Variants in CHN1 observed in about 807,000 individuals in gnomAD.
CHN1 encodes N-chimaerin.
CHN1 carries 37 observed loss-of-function variants against 59.5 expected under a neutral mutation model. That is an observed-to-expected ratio of 0.62 (90% CI 0.48 to 0.82). CHN1 has a LOEUF of 0.82. Ranked by LOEUF, CHN1 falls within the 40% of genes least tolerant of loss-of-function variation. CHN1 has a pLI of 0.00. For synonymous variants in CHN1, 206 were observed against 200.4 expected (o/e 1.03, Z -0.24); for missense variants, 469 against 571.0 (o/e 0.82, Z 1.82).
intron 1 of CHN1, among the ~76,000 whole-genome samples, chr2:174,962,141 C>A (rs1055609734): frequency 6.6e-6 from 1 of 151,910 alleles, no homozygotes; most frequent in Non-Finnish European, 1.5e-5. Flanking sequence ...GAAAATTAGC[C>A]GGGCGGGGTG....
chr2:174,896,169 C>A (rs575516887), intron 5 of CHN1, among the ~76,000 whole-genome samples: 133 of 151,982 alleles, frequency 8.8e-4, no homozygotes, highest in African/African-American at 2.7e-3. Flanking sequence ...TCATTATAAG[C>A]CCCAGTATAG....
At chr2:174,957,659 T>G (rs1690256952) in intron 1 of CHN1, among the ~76,000 whole-genome samples, 2 of 152,150 alleles carry the variant, frequency 1.3e-5, no homozygotes, top group African/African-American at 4.8e-5. Context: ...ATTCTATGTG[T>G]GTCTCCACTT....
At chr2:174,986,529 T>C (rs1396264242) in intron 1 of CHN1, among the ~76,000 whole-genome samples, 5 of 152,182 alleles carry the variant, frequency 3.3e-5, no homozygotes, top group African/African-American at 1.2e-4. Flanking sequence ...CTTTAGACTT[T>C]AGAAATACAG....
rs539001023 is a variant in CHN1 at position 174,962,663 on chromosome 2, CGGG to C, written c.20-10464_20-10462del. Among the ~76,000 whole-genome samples the C allele has an allele frequency of 6.5e-3, 117 of 17,996 alleles. 6 individuals are homozygous for C. Among genetic ancestry groups the C allele is most frequent in the Middle Eastern group, 0.05 (1 of 20 alleles). 11.8% of individuals were successfully genotyped at this position (17,996 alleles called of 152,430 possible). ...TGCAATCCCAGCACTTTGGAAGGCCCGGGGGGGGGGGGGGGGGGGGCAGATCAC... is the reference window on the plus strand; with the variant it reads ...TGCAATCCCAGCACTTTGGAAGGCCCGGGGGGGGGGGGGGGGGCAGATCAC... On this transcript the variant is annotated intron_variant, in intron 1 of 12. Coordinates refer to ENST00000409900, the MANE Select transcript of CHN1 (RefSeq NM_001822.7).
At chr2:174,928,214 T>C (rs566040727) in intron 3 of CHN1, among the ~76,000 whole-genome samples, 1 of 152,212 alleles carries the variant, frequency 6.6e-6, no homozygotes, top group Admixed American at 6.5e-5. Flanking sequence ...CAGAAGCCAC[T>C]GCCACTGCCT....
intron 5 of CHN1, among the ~76,000 whole-genome samples, chr2:174,904,574 G>C (rs1688487236): frequency 6.6e-6 from 1 of 152,052 alleles, no homozygotes; most frequent in Non-Finnish European, 1.5e-5. Flanking sequence ...TTTTAGTAGA[G>C]ACGGGGTTTC....
At chr2:174,947,780 A>G (rs1193634) in intron 2 of CHN1, among the ~76,000 whole-genome samples, 72,236 of 151,816 alleles carry the variant, frequency 0.48, 17,971 homozygotes, top group African/African-American at 0.61. Context: ...CACTGTGCCT[A>G]GTCAAGTCTT....
chr2:174,993,753 T>G (rs941760650), intron 1 of CHN1, among the ~76,000 whole-genome samples: 1 of 152,202 alleles, frequency 6.6e-6, no homozygotes, highest in Non-Finnish European at 1.5e-5. Context: ...CCCATGATTA[T>G]TGTTTCAATC....
intron 6 of CHN1, among the ~76,000 whole-genome samples, chr2:174,854,975 C>T (rs751308745): frequency 3.3e-5 from 5 of 152,120 alleles, no homozygotes; most frequent in Non-Finnish European, 5.9e-5. Context: ...ATTAAAAGAA[C>T]ATCCATGCTC....
chr2:174,841,532 C>T (rs16862866), intron 7 of CHN1, among the ~76,000 whole-genome samples: 8,161 of 152,196 alleles, frequency 0.054, 736 homozygotes, highest in African/African-American at 0.19. Context: ...CAGACAGAAC[C>T]TATGCTACAT....
intron 6 of CHN1, among the ~76,000 whole-genome samples, chr2:174,852,402 T>A (rs564624856): frequency 6.6e-6 from 1 of 152,260 alleles, no homozygotes; most frequent in African/African-American, 2.4e-5. Context: ...CAAGGAGAAC[T>A]ACAAAACATT....
intron 3 of CHN1, 91 bp downstream of exon 3, chr2:174,944,797 T>A (rs1180227347): frequency 2.5e-6 from 2 of 798,380 alleles, no homozygotes; most frequent in Non-Finnish European, 4.1e-6. Flanking sequence ...AAGTGGTTAA[T>A]CTCACAAACA....
rs568638883 is a variant in CHN1 at position 174,981,015 on chromosome 2, C to T, written c.19+23879G>A. ...AATTAACCTTAGATGTAAAATTTCA[C>T]CAAATTTTGCACTGTGGATATAGTA... On this transcript the variant is annotated intron_variant, in intron 1 of 12. Coordinates refer to ENST00000409900, the MANE Select transcript of CHN1 (RefSeq NM_001822.7). Among the ~76,000 whole-genome samples the T allele has an allele frequency of 2.6e-5, 4 of 152,122 alleles. No homozygotes were observed. The South Asian group carries it at 8.3e-4, about 32-fold the overall frequency.
intron 7 of CHN1, among the ~76,000 whole-genome samples, chr2:174,831,906 ATAAG>A (rs1685894018): frequency 6.6e-6 from 1 of 152,196 alleles, no homozygotes; most frequent in African/African-American, 2.4e-5. Context: ...AGGAAAATAA[ATAAG>A]TAAATGGTTG....
intron 3 of CHN1, among the ~76,000 whole-genome samples, chr2:174,919,031 A>C (rs929603931): frequency 6.6e-6 from 1 of 151,982 alleles, no homozygotes; most frequent in East Asian, 1.9e-4. Flanking sequence ...ACAGCTTATC[A>C]GGGCATGTGT....
At chr2:174,890,145 A>G (rs1442670445) in intron 5 of CHN1, among the ~76,000 whole-genome samples, 1 of 152,202 alleles carries the variant, frequency 6.6e-6, no homozygotes, top group Non-Finnish European at 1.5e-5. Context: ...GAATAAATAT[A>G]CAAGCAAAAT....
intron 5 of CHN1, among the ~76,000 whole-genome samples, chr2:174,886,694 G>A (rs1687904247): frequency 6.6e-6 from 1 of 152,084 alleles, no homozygotes; most frequent in Admixed American, 6.6e-5. Flanking sequence ...CCAACAGTCT[G>A]GTTTCCATAT....
At chr2:174,921,073 T>C in intron 3 of CHN1, 2 of 391,456 alleles carry the variant, frequency 5.1e-6, no homozygotes, top group Admixed American at 4.8e-5. Flanking sequence ...CAGGCAATAA[T>C]GTGGGCAATG....
At chr2:174,985,395 C>T (rs192948422) in intron 1 of CHN1, among the ~76,000 whole-genome samples, 1 of 152,248 alleles carries the variant, frequency 6.6e-6, no homozygotes, top group Admixed American at 6.5e-5. Flanking sequence ...AGATTCCTGT[C>T]GTCCTTCATT....
Sources: gnomAD v4.1 joint callset for allele counts (sites outside exome capture counted in the v4.1 genomes callset) on GRCh38, gnomAD v4.1.1 for gene constraint, MANE v1.5 for transcripts, NCBI Gene and HGNC (gene_info 2026-07-23, HGNC 2026-07-21) for gene names.